Variants in SLC7A5 observed in about 807,000 individuals in gnomAD.
SLC7A5 encodes the protein solute carrier family 7 member 5.
In SLC7A5, 23 loss-of-function variants were observed where a neutral mutation model predicts 50.2. That is an observed-to-expected ratio of 0.46 (90% confidence interval 0.33 to 0.65). SLC7A5 has a LOEUF of 0.65. Among genes scored for constraint, SLC7A5 ranks in the 30% least tolerant of loss-of-function variants. SLC7A5 has a pLI of 0.02. For synonymous variants in SLC7A5, 393 were observed against 330.6 expected (o/e 1.19, Z -2.05); for missense variants, 578 against 684.4 (o/e 0.84, Z 1.73).
In SLC7A5 at chr16:87,851,845, C is replaced by G. The variant is rs753028077; in HGVS notation, c.543G>C (p.Leu181=). ...CGCTGTAGCAGTTCACGGCCGTGAG[C>G]AGCACTGTGGAGACAGAGGGCAGCG... ...AKLVACLCVL[L]LTAVNCYSVK... is the part of the protein sequence containing the mutation. The change falls in exon 2 of 10, where the codon CTG becomes CTC. Residue 181 remains leucine (L), a synonymous_variant. Coordinates refer to ENST00000261622, the MANE Select transcript of SLC7A5 (RefSeq NM_003486.7). The G allele has an allele frequency of 9.9e-6, 16 of 1,612,880 alleles. No homozygotes were observed. Among genetic ancestry groups the G allele is most frequent in the Non-Finnish European group, 1.3e-5 (15 of 1,179,970 alleles).
rs760150549 is a variant in SLC7A5 at position 87,838,817 on chromosome 16, C to T, written c.940G>A (p.Asp314Asn). The T allele has an allele frequency of 6.2e-7, 1 of 1,613,024 alleles. No homozygotes were observed. Among genetic ancestry groups the T allele is most frequent in the Admixed American group, 1.7e-5 (1 of 60,026 alleles). The change falls in exon 6 of 10, where the codon GAC becomes AAC. Residue 314 changes from aspartate (D) to asparagine (N), a missense_variant and splice_region_variant. Around this residue, in one of 2 missense-constraint regions of SLC7A5, gnomAD observed 465 missense variants for 594.6 expected, o/e 0.78. Transcript: ENST00000261622. Reference protein sequence around the residue: ...QMLSSEAVAVDFGNYHLGVMS... With the variant: ...QMLSSEAVAVNFGNYHLGVMS... ...ACGCCCAGGTGATAGTTCCCGAAGT[C>T]CTAGGCAGGCACAACCAGTGAGCTG... is the stretch of plus-strand genomic sequence containing the variant.
intron 2 of SLC7A5, among the ~76,000 whole-genome samples, chr16:87,843,489 G>T (rs1156342767): frequency 1.3e-5 from 2 of 151,292 alleles, no homozygotes; most frequent in Non-Finnish European, 2.9e-5. Flanking sequence ...GGGTGGCCTG[G>T]AGGGCTGCAG....
chr16:87,854,582 G>A (rs776713808), intron 1 of SLC7A5, among the ~76,000 whole-genome samples: 10 of 152,230 alleles, frequency 6.6e-5, no homozygotes, highest in Non-Finnish European at 1.0e-4. Context: ...CAGGGAGATC[G>A]ACAGGGCTGT....
intron 2 of SLC7A5, among the ~76,000 whole-genome samples, chr16:87,850,912 G>A (rs1020294543): frequency 6.6e-6 from 1 of 152,228 alleles, no homozygotes; most frequent in African/African-American, 2.4e-5. Context: ...GAGACACCCA[G>A]CAAAATACCA....
chr16:87,846,647 C>T (rs976027825), intron 2 of SLC7A5, among the ~76,000 whole-genome samples: 3 of 152,176 alleles, frequency 2.0e-5, no homozygotes, highest in Non-Finnish European at 2.9e-5. Flanking sequence ...GCCAGGAGGC[C>T]GAGCACCCCG....
chr16:87,853,666 G>A lies in SLC7A5; in HGVS notation c.539-1817C>T, dbSNP rs999874748. ...ATTTCCTTATGGTTGGGGGGAGCAC[G>A]ACCATAAAAGAAACTGAGCCTCGGG... On this transcript the variant is annotated intron_variant, in intron 1 of 9. Coordinates refer to ENST00000261622, the MANE Select transcript of SLC7A5 (RefSeq NM_003486.7). This position sits in a 1 kb window ranked among gnomAD's most constrained non-coding sequence, Gnocchi z 4.4. Among the ~76,000 whole-genome samples, 1 of 152,296 alleles carries A rather than the reference G, an allele frequency of 6.6e-6. No homozygotes were observed. The highest frequency in any genetic ancestry group is 1.9e-4 in the East Asian group (1 of 5,180).
rs1256047544 is a variant in SLC7A5, at chr16:87,869,277, T to A, written c.146A>T (p.Asn49Ile). 3.1e-6 allele frequency: 5 copies of A among 1,612,146 alleles called. No homozygotes were observed. Among genetic ancestry groups the A allele is most frequent in the Non-Finnish European group, 4.2e-6 (5 of 1,179,822 alleles). ...GEGEGVTLQRNITLLNGVAII... is the reference protein window; with the variant it reads ...GEGEGVTLQRIITLLNGVAII... ...GGCCACGCCGTTGAGCAGCGTGATG[T>A]TCCGCTGCAGGGTCACGCCCTCGCC... is the stretch of plus-strand genomic sequence containing the variant. The change falls in exon 1 of 10, where the codon AAC becomes ATC. Residue 49 changes from asparagine to isoleucine, a missense_variant. Coordinates refer to ENST00000261622, the MANE Select transcript of SLC7A5 (RefSeq NM_003486.7).
chr16:87,851,416 G>A (rs976924082), intron 2 of SLC7A5, among the ~76,000 whole-genome samples: 14 of 152,144 alleles, frequency 9.2e-5, no homozygotes, highest in Non-Finnish European at 1.5e-5. Context: ...GTTCCACATC[G>A]CCCCCAGGTG....
At position 87,869,057 on chromosome 16, in the gene SLC7A5, C is replaced by T. The variant is rs773727264; in HGVS notation, c.366G>A (p.Glu122=). Residue 122 remains glutamate (E), a synonymous_variant, in exon 1 of 10, where the codon GAG becomes GAA. Transcript: ENST00000261622. ...KSGGDYAYML[E]VYGSLPAFLK... The stretch of plus-strand genomic sequence containing the variant: ...GGAAGGCGGGCAGCGAGCCGTAGAC[C>T]TCCAGCATGTAGGCGTAGTCGCCGC... 15 of 1,611,820 alleles carry T rather than the reference C, an allele frequency of 9.3e-6. No individual in the cohort carries two copies. The highest frequency in any genetic ancestry group is 1.3e-5 in the African/African-American group (1 of 74,866).
Position 87,853,833 on chromosome 16 carries a change from GGCACGCTGCCAC to G in SLC7A5, c.539-1996_539-1985del. ...GCTGCCTCTCCCCAAAAGGGAGAGAGGCACGCTGCCACCACTGAACTCCAGACACCAGACAGG... is the reference window on the plus strand; with the variant it reads ...GCTGCCTCTCCCCAAAAGGGAGAGAGCACTGAACTCCAGACACCAGACAGG... On this transcript the variant is annotated intron_variant, in intron 1 of 9. Transcript: ENST00000261622. This position sits in a 1 kb window ranked among gnomAD's most constrained non-coding sequence, Gnocchi z 4.4. 1 of 152,188 alleles carries G rather than the reference GGCACGCTGCCAC, an allele frequency of 6.6e-6. No individual in the cohort carries two copies. The highest frequency in any genetic ancestry group is 1.5e-5 in the Non-Finnish European group (1 of 68,036). 9.4% of individuals were successfully genotyped at this position (152,188 alleles called of 1,614,324 possible). A position where few individuals can be genotyped will look rare whatever the true frequency, so the allele number is the denominator to read the frequency against.
chr16:87,859,481 T>A (rs2143817619), intron 1 of SLC7A5, among the ~76,000 whole-genome samples: 1 of 152,210 alleles, frequency 6.6e-6, no homozygotes, highest in South Asian at 2.1e-4. Context: ...AAAATAAAAT[T>A]CTAAGCCCCG....
At position 87,860,923 on chromosome 16, in the gene SLC7A5, G is replaced by A. The variant is rs1438535163; in HGVS notation, c.538+7962C>T. Among the ~76,000 whole-genome samples, 10 of 152,192 alleles carry A rather than the reference G, an allele frequency of 6.6e-5. No homozygotes were observed. The highest frequency in any genetic ancestry group is 3.9e-4 in the East Asian group (2 of 5,180). ...AGGGAGAGACGCCTCCCACACTCCC[G>A]GAGGCACGCACGTGCTGTGGCCACC... On this transcript the variant is annotated intron_variant, in intron 1 of 9. Transcript: ENST00000261622. This position sits in a 1 kb window ranked among gnomAD's most constrained non-coding sequence, Gnocchi z 4.8.
At chr16:87,848,507 G>A (rs1195307127) in intron 2 of SLC7A5, among the ~76,000 whole-genome samples, 1 of 152,216 alleles carries the variant, frequency 6.6e-6, no homozygotes, top group Non-Finnish European at 1.5e-5. Context: ...CGAAAAGGCT[G>A]GGACTAACTG....
chr16:87,848,880 G>A (rs1317139723), intron 2 of SLC7A5, among the ~76,000 whole-genome samples: 1 of 150,826 alleles, frequency 6.6e-6, no homozygotes, highest in East Asian at 1.9e-4. Context: ...CAACTGGGAA[G>A]GGGTGATTAC....
rs2055258168 is a variant in SLC7A5, at chr16:87,853,051, C to G, written c.539-1202G>C. ...CTCAGATCTCACAGCCCTCCCGGCA[C>G]CGCACCACTAAGACTGCAGGAAGGT... On this transcript the variant is annotated intron_variant, in intron 1 of 9. Transcript: ENST00000261622. This position sits in a 1 kb window ranked among gnomAD's most constrained non-coding sequence, Gnocchi z 4.4. Among the ~76,000 whole-genome samples the G allele has an allele frequency of 6.6e-6, 1 of 152,232 alleles. No individual in the cohort carries two copies. Among genetic ancestry groups the G allele is most frequent in the Non-Finnish European group, 1.5e-5 (1 of 68,038 alleles).
At chr16:87,863,871 C>T (rs1368072056) in intron 1 of SLC7A5, among the ~76,000 whole-genome samples, 1 of 151,198 alleles carries the variant, frequency 6.6e-6, no homozygotes, top group Non-Finnish European at 1.5e-5. Flanking sequence ...GATCCAGACC[C>T]GAAAGCCACT....
rs75318493 is a variant in SLC7A5 at position 87,852,599 on chromosome 16, C to T, written c.539-750G>A. The stretch of plus-strand genomic sequence containing the variant: ...TCAGACAGGTCTCCAGACACCAGCA[C>T]GTCCTCCTGGGCCCTGTAAGGCACC... On this transcript the variant is annotated intron_variant, in intron 1 of 9. Coordinates refer to ENST00000261622, the MANE Select transcript of SLC7A5 (RefSeq NM_003486.7). The surrounding 1 kb of genome is among the most constrained non-coding windows in gnomAD (Gnocchi z 4.5). Among the ~76,000 whole-genome samples the T allele has an allele frequency of 2.7e-3, 402 of 151,550 alleles. No homozygotes were observed. The highest frequency in any genetic ancestry group is 9.0e-3 in the African/African-American group (371 of 41,108).
At chr16:87,856,179 G>A (rs565094289) in intron 1 of SLC7A5, among the ~76,000 whole-genome samples, 3 of 152,302 alleles carry the variant, frequency 2.0e-5, no homozygotes, top group African/African-American at 4.8e-5. Context: ...AAGTGCTCCT[G>A]CCAGGCCCCC....
chr16:87,842,627 G>A (rs1331644932), intron 2 of SLC7A5, among the ~76,000 whole-genome samples: 1 of 152,188 alleles, frequency 6.6e-6, no homozygotes, highest in African/African-American at 2.4e-5. Flanking sequence ...TGTCCCAGAT[G>A]CCAGGTGTGC....
Sources: gnomAD v4.1 joint callset for allele counts (sites outside exome capture counted in the v4.1 genomes callset) on GRCh38, gnomAD v4.1.1 for gene constraint, gnomAD v4.1.1 regional missense constraint, Gnocchi (gnomAD v3.1) non-coding constraint, MANE v1.5 for transcripts, NCBI Gene and HGNC (gene_info 2026-07-23, HGNC 2026-07-21) for gene names.